Variants in CAMTA1 observed in about 807,000 individuals in gnomAD.
CAMTA1 encodes the protein calmodulin binding transcription activator 1, also known as calmodulin-binding transcription activator 1.
A neutral mutation model predicts 170.9 loss-of-function variants in CAMTA1; 27 were observed. The observed-to-expected ratio is 0.16, with a 90% CI of 0.12 to 0.22. The LOEUF is 0.22. Among genes scored for constraint, CAMTA1 ranks in the 10% least tolerant of loss-of-function variants. The pLI is 1.00. For missense variants in CAMTA1, 1,619 were observed against 2,217.2 expected (o/e 0.73, Z 5.42); for synonymous variants, 833 against 891.5 (o/e 0.93, Z 1.17).
chr1:6,793,807 T>C (rs368899047), intron 1 of CAMTA1, among the ~76,000 whole-genome samples: 12 of 152,348 alleles, frequency 7.9e-5, no homozygotes, highest in African/African-American at 2.9e-4. Flanking sequence ...CCAGGAGTCA[T>C]TTCTGAAGGT....
chr1:7,352,833 G>A lies in CAMTA1; in HGVS notation c.438+103207G>A, dbSNP rs549858564. Among the ~76,000 whole-genome samples, 10 of 152,324 alleles carry A rather than the reference G, an allele frequency of 6.6e-5. No homozygotes were observed. In the South Asian group the frequency reaches 1.9e-3, roughly 28 times the overall value. On this transcript the variant is annotated intron_variant, in intron 5 of 22. Transcript: ENST00000303635. Reference sequence around the variant, plus strand: ...GGACCCATGACTCTTGGCAAGGCCCGGATCTTGAGGGAAGAGCCAGGGAGC... The same window carrying A: ...GGACCCATGACTCTTGGCAAGGCCCAGATCTTGAGGGAAGAGCCAGGGAGC...
At chr1:7,384,133 T>C (rs536615403) in intron 5 of CAMTA1, among the ~76,000 whole-genome samples, 2 of 152,224 alleles carry the variant, frequency 1.3e-5, no homozygotes, top group South Asian at 4.2e-4. Flanking sequence ...TTGCAGGAAA[T>C]ACCATGGGAA....
intron 9 of CAMTA1, among the ~76,000 whole-genome samples, chr1:7,666,242 G>A (rs1270134064): frequency 6.6e-6 from 1 of 151,252 alleles, no homozygotes; most frequent in East Asian, 1.9e-4. Context: ...ACTTCTCTAA[G>A]CCAAACAAAA....
chr1:7,321,843 C>T (rs946478345), intron 5 of CAMTA1, among the ~76,000 whole-genome samples: 4 of 152,092 alleles, frequency 2.6e-5, no homozygotes, highest in Non-Finnish European at 5.9e-5. Context: ...GAACTTGCAC[C>T]TCCTTCTCCT....
At chr1:6,851,801 G>C (rs1361526571) in intron 3 of CAMTA1, among the ~76,000 whole-genome samples, 1 of 152,004 alleles carries the variant, frequency 6.6e-6, no homozygotes, top group African/African-American at 2.4e-5. Context: ...ATCAGTTGAG[G>C]CCGGGAGTTC....
rs187764077 is a variant in CAMTA1 at position 6,922,337 on chromosome 1, T to G, written c.234+97127T>G. On this transcript the variant is annotated intron_variant, in intron 3 of 22. Transcript: ENST00000303635. The stretch of plus-strand genomic sequence containing the variant: ...GGCTTCATAACAAATCTCTCCTGAC[T>G]CAGCAGTGTGAAACAACAGTCATTT... Among the ~76,000 whole-genome samples the G allele has an allele frequency of 1.2e-3, 177 of 152,346 alleles. 1 individual carries two copies. The highest frequency in any genetic ancestry group is 4.0e-3 in the African/African-American group (165 of 41,574).
chr1:6,797,364 A>G lies in CAMTA1; in HGVS notation c.45+11789A>G, dbSNP rs1203749963. On this transcript the variant is annotated intron_variant, in intron 1 of 22. Transcript: ENST00000303635. ...GCATGAACCACCACGTTCGGCTGAG[A>G]TGACTTTTTATTTTTTATTTACTGG... Among the ~76,000 whole-genome samples the G allele has an allele frequency of 6.1e-5, 9 of 148,036 alleles. 1 individual carries two copies. In the East Asian group the frequency reaches 1.6e-3, roughly 27 times the overall value.
chr1:7,273,629 G>A (rs1247879046), intron 5 of CAMTA1, among the ~76,000 whole-genome samples: 1 of 152,030 alleles, frequency 6.6e-6, no homozygotes, highest in East Asian at 1.9e-4. Flanking sequence ...TTCTTTTTGG[G>A]GTGATGAAAA....
At chr1:7,236,341 C>T (rs1338273975) in intron 4 of CAMTA1, among the ~76,000 whole-genome samples, 2 of 152,190 alleles carry the variant, frequency 1.3e-5, no homozygotes, top group African/African-American at 2.4e-5. Context: ...CTTTTTCCCT[C>T]CCCTTGCAAC....
intron 1 of CAMTA1, among the ~76,000 whole-genome samples, chr1:6,796,994 T>G (rs1336015268): frequency 1.3e-5 from 2 of 152,236 alleles, no homozygotes. Flanking sequence ...GAATCATCAT[T>G]TTAGCTAAAT....
At chr1:7,395,032 G>A (rs569590964) in intron 5 of CAMTA1, among the ~76,000 whole-genome samples, 5 of 152,062 alleles carry the variant, frequency 3.3e-5, no homozygotes, top group East Asian at 1.9e-4. Flanking sequence ...ACAGGTGTCC[G>A]CCACCACGCC....
At chr1:6,799,345 A>C (rs2148175146) in intron 1 of CAMTA1, among the ~76,000 whole-genome samples, 1 of 152,122 alleles carries the variant, frequency 6.6e-6, no homozygotes, top group East Asian at 1.9e-4. Context: ...CCAGGCTTAC[A>C]GGCATGAGCC....
chr1:6,830,525 T>C (rs1247550928), intron 3 of CAMTA1, among the ~76,000 whole-genome samples: 2 of 151,976 alleles, frequency 1.3e-5, no homozygotes, highest in African/African-American at 4.8e-5. Flanking sequence ...GTATTCTTAG[T>C]AGAGACAGGG....
intron 6 of CAMTA1, among the ~76,000 whole-genome samples, chr1:7,523,228 ACT>A (rs1381169097): frequency 1.3e-5 from 2 of 151,762 alleles, no homozygotes; most frequent in South Asian, 2.1e-4. Context: ...GATTGCTATA[ACT>A]CTGTATTAAT....
intron 4 of CAMTA1, among the ~76,000 whole-genome samples, chr1:7,214,691 T>C (rs1371723957): frequency 6.6e-6 from 1 of 152,192 alleles, no homozygotes; most frequent in East Asian, 1.9e-4. Flanking sequence ...TCATGAAGTC[T>C]ACTTTACCCA....
At chr1:7,310,601 T>C (rs1016870695) in intron 5 of CAMTA1, among the ~76,000 whole-genome samples, 1 of 1,356 alleles carries the variant, frequency 7.4e-4, no homozygotes, top group Admixed American at 9.6e-3. Context: ...TTTCTTTTCT[T>C]TTCTTTCTTT....
At chr1:7,756,474 A>C (rs985711521) in intron 22 of CAMTA1, among the ~76,000 whole-genome samples, 2 of 152,250 alleles carry the variant, frequency 1.3e-5, no homozygotes, top group African/African-American at 4.8e-5. Context: ...TAAGCAGGGC[A>C]AAAGGCAACA....
intron 3 of CAMTA1, among the ~76,000 whole-genome samples, chr1:6,884,903 C>T (rs1672759712): frequency 6.6e-6 from 1 of 152,154 alleles, no homozygotes; most frequent in Non-Finnish European, 1.5e-5. Flanking sequence ...AAGTATTCTC[C>T]TTCCCGCACC....
chr1:7,304,747 A>G (rs976279135), intron 5 of CAMTA1, among the ~76,000 whole-genome samples: 1 of 151,918 alleles, frequency 6.6e-6, no homozygotes, highest in Non-Finnish European at 1.5e-5. Context: ...TATCGGTTAG[A>G]AGATGCTCTT....
Sources: gnomAD v4.1 joint callset for allele counts (sites outside exome capture counted in the v4.1 genomes callset) on GRCh38, gnomAD v4.1.1 for gene constraint, MANE v1.5 for transcripts, NCBI Gene and HGNC (gene_info 2026-07-23, HGNC 2026-07-21) for gene names.